PEAK1: variants seen among roughly 807,000 people sequenced by gnomAD.
The protein encoded by PEAK1 is inactive tyrosine-protein kinase PEAK1.
A neutral mutation model predicts 124.7 loss-of-function variants in PEAK1; 54 were observed. The ratio of observed to expected loss-of-function variants is 0.43; its 90% CI spans 0.35 to 0.54. PEAK1 has a LOEUF of 0.54. Ranked by LOEUF, PEAK1 falls within the 20% of genes least tolerant of loss-of-function variation. The pLI, the probability that PEAK1 is intolerant of heterozygous loss-of-function variation, is 0.01. For synonymous variants in PEAK1, 719 were observed against 760.0 expected, an observed-to-expected ratio of 0.95 and a Z score of 0.89; for missense variants, 2,046 against 2,134.5, an observed-to-expected ratio of 0.96 and a Z score of 0.82.
At chr15:77,301,245 C>T (rs2063770219) in intron 2 of PEAK1, among the ~76,000 whole-genome samples, 1 of 152,122 alleles carries the variant, frequency 6.6e-6, no homozygotes, top group South Asian at 2.1e-4. Context: ...TTGCTTGTGG[C>T]TATATCATTC....
At chr15:77,273,577 A>G (rs1340520255) in intron 5 of PEAK1, among the ~76,000 whole-genome samples, 2 of 152,028 alleles carry the variant, frequency 1.3e-5, no homozygotes, top group African/African-American at 4.8e-5. Flanking sequence ...AAGAGGTGAA[A>G]GTGAAAGACC....
intron 1 of PEAK1, chr15:77,417,220 C>T (rs887068017): frequency 4.6e-6 from 2 of 435,160 alleles, no homozygotes; most frequent in Non-Finnish European, 6.1e-6. Context: ...ACTGTAAACT[C>T]CTTGCAAAAA....
intron 2 of PEAK1, among the ~76,000 whole-genome samples, chr15:77,303,667 A>G (rs1399339379): frequency 1.3e-5 from 2 of 152,192 alleles, no homozygotes; most frequent in African/African-American, 4.8e-5. Flanking sequence ...AGTGTTTTAC[A>G]AATATTTTCT....
chr15:77,391,476 C>CAAAA (rs536286745), intron 1 of PEAK1, among the ~76,000 whole-genome samples: 13 of 68,278 alleles, frequency 1.9e-4, no homozygotes, highest in African/African-American at 4.8e-4. Flanking sequence ...TAACTCATGG[C>CAAAA]AAAAAAAAAA....
At chr15:77,178,385 T>C (rs1348053879) in intron 7 of PEAK1, 1 of 194,514 alleles carries the variant, frequency 5.1e-6, no homozygotes, top group Non-Finnish European at 1.0e-5. Context: ...CAAAAAGAAT[T>C]GCTGGAAGAG....
At chr15:77,353,453 A>G (rs1035978986) in intron 2 of PEAK1, among the ~76,000 whole-genome samples, 2 of 152,208 alleles carry the variant, frequency 1.3e-5, no homozygotes, top group African/African-American at 4.8e-5. Context: ...GGTGGACCGA[A>G]GCTGGACCCT....
intron 1 of PEAK1, among the ~76,000 whole-genome samples, chr15:77,408,509 C>A (rs1210711968): frequency 1.3e-5 from 2 of 151,824 alleles, no homozygotes; most frequent in African/African-American, 4.8e-5. Flanking sequence ...CCAACCACCA[C>A]CTGTTCCCTG....
intron 2 of PEAK1, among the ~76,000 whole-genome samples, chr15:77,313,690 GTGTATA>G (rs2064656252): frequency 8.2e-6 from 1 of 122,636 alleles, no homozygotes; most frequent in East Asian, 2.2e-4. Context: ...GTGTGTGTGT[GTGTATA>G]TATATATATG....
At chr15:77,214,342 C>T (rs1015336793) in intron 6 of PEAK1, among the ~76,000 whole-genome samples, 5 of 151,760 alleles carry the variant, frequency 3.3e-5, no homozygotes, top group East Asian at 1.9e-4. Context: ...TTAGGCTGGG[C>T]GCGGTGGCTC....
intron 6 of PEAK1, among the ~76,000 whole-genome samples, chr15:77,203,634 C>A (rs1350493611): frequency 6.7e-6 from 1 of 150,268 alleles, no homozygotes. Flanking sequence ...CAAATACAGT[C>A]AATTGATCTG....
At chr15:77,362,120 A>G (rs1239132936) in intron 2 of PEAK1, among the ~76,000 whole-genome samples, 3 of 152,226 alleles carry the variant, frequency 2.0e-5, no homozygotes, top group Non-Finnish European at 4.4e-5. Context: ...TAAGATGACC[A>G]TAGTTAACAG....
chr15:77,150,208 A>C (rs955481452), intron 8 of PEAK1, among the ~76,000 whole-genome samples: 1 of 152,166 alleles, frequency 6.6e-6, no homozygotes, highest in Non-Finnish European at 1.5e-5. Context: ...TTTTTAAAAA[A>C]AGGAAAACAG....
chr15:77,415,157 T>C (rs2072768318), intron 1 of PEAK1, among the ~76,000 whole-genome samples: 1 of 152,232 alleles, frequency 6.6e-6, no homozygotes, highest in South Asian at 2.1e-4. Flanking sequence ...CGAAAATTGG[T>C]ACTGCTACAA....
At chr15:77,404,840 A>G (rs1291610678) in intron 1 of PEAK1, 1 of 936,832 alleles carries the variant, frequency 1.1e-6, no homozygotes, top group Non-Finnish European at 1.3e-6. Flanking sequence ...TAACTTAGCA[A>G]TATGAAAAAA....
intron 1 of PEAK1, chr15:77,418,521 C>G (rs2073075064): frequency 1.0e-6 from 1 of 984,984 alleles, no homozygotes; most frequent in African/African-American, 1.7e-5. Flanking sequence ...CATTGTTCAT[C>G]TCTGGGCTGA....
chr15:77,171,185 A>G (rs2056477372), intron 7 of PEAK1, among the ~76,000 whole-genome samples: 1 of 152,228 alleles, frequency 6.6e-6, no homozygotes, highest in Non-Finnish European at 1.5e-5. Flanking sequence ...TCAACATGTC[A>G]TTTACAGCCT....
chr15:77,178,946 T>G lies in PEAK1; in HGVS notation c.2981A>C (p.Asp994Ala), dbSNP rs764996824. ...KPAIVFMYRC[D>A]PAQGQLSVDQ... ...CACACTGAGCTGGCCTTGAGCAGGG[T>G]CGCACCTGTACATGAAGACAATGGC... Residue 994 changes from aspartate to alanine, a missense_variant, in exon 7 of 10, where the codon GAC (aspartate) becomes GCC (alanine). Asp to Ala is a moderately radical substitution (Grantham distance 126). Transcript: ENST00000682557. 5.0e-6 allele frequency: 8 copies of G among 1,614,046 alleles called. No homozygotes were observed. Among genetic ancestry groups the G allele is most frequent in the Non-Finnish European group, 6.8e-6 (8 of 1,180,002 alleles).
rs186343302 is a variant in PEAK1, at chr15:77,181,329, C to T, written c.598G>A (p.Gly200Arg). 5.5e-5 allele frequency: 88 copies of T among 1,614,136 alleles called. No individual in the cohort carries two copies. The highest frequency in any genetic ancestry group is 5.5e-5 in the Non-Finnish European group (65 of 1,180,020). Reference protein sequence around the residue: ...RKLPPSCMIGGIKETQGKHVI... With the variant: ...RKLPPSCMIGRIKETQGKHVI... ...TGCTTGCCCTGAGTTTCCTTTATCC[C>T]ACCTATCATGCAACTTGGTGGAAGC... Residue 200 changes from glycine to arginine, a missense_variant, in exon 7 of 10, where the codon GGG (glycine) becomes AGG (arginine). Gly to Arg is a moderately radical substitution (Grantham distance 125, BLOSUM62 -2). Coordinates refer to ENST00000682557, the MANE Select transcript of PEAK1 (RefSeq NM_001385026.1).
At chr15:77,252,193 T>C (rs2060912844) in intron 6 of PEAK1, among the ~76,000 whole-genome samples, 174 bp downstream of exon 6, 4 of 152,240 alleles carry the variant, frequency 2.6e-5, no homozygotes, top group Non-Finnish European at 4.4e-5. Flanking sequence ...GGGGAAAAAA[T>C]TCTTTTGAGC....
Sources: allele counts gnomAD v4.1 joint callset (sites outside exome capture counted in the v4.1 genomes callset), GRCh38; gene constraint gnomAD v4.1.1; transcripts MANE v1.5; gene names NCBI Gene and HGNC (gene_info 2026-07-23, HGNC 2026-07-21).